The following ABCB5 variants were observed in gnomAD, a reference collection of about 807,000 sequenced individuals.
ABCB5 encodes the protein ATP binding cassette subfamily B member 5.
Under a neutral mutation model 144.2 loss-of-function variants are expected in ABCB5, and 155 were observed. The observed-to-expected ratio is 1.08, with a 90% CI of 0.94 to 1.23. The LOEUF is 1.23. Among genes scored for constraint, ABCB5 ranks in the 50% most tolerant of loss-of-function variants. The probability of loss-of-function intolerance (pLI) is 0.00; values close to 1 mark genes in which losing one functional copy is unlikely to be tolerated. For synonymous variants in ABCB5, 610 were observed against 528.6 expected, an observed-to-expected ratio of 1.15 and a Z score of -2.11; for missense variants, 1,830 against 1,520.8, an observed-to-expected ratio of 1.20 and a Z score of -3.38.
At chr7:20,712,328 G>C (rs1787104711) in intron 20 of ABCB5, among the ~76,000 whole-genome samples, 2 of 148,778 alleles carry the variant, frequency 1.3e-5, no homozygotes, top group Non-Finnish European at 3.0e-5. Flanking sequence ...TTTGAAATGT[G>C]ATTGTGATGG....
At chr7:20,664,631 G>A (rs960103326) in intron 14 of ABCB5, among the ~76,000 whole-genome samples, 2 of 151,910 alleles carry the variant, frequency 1.3e-5, no homozygotes, top group Admixed American at 6.6e-5. Flanking sequence ...TATTTACCAA[G>A]AATAAAAATA....
intron 5 of ABCB5, among the ~76,000 whole-genome samples, chr7:20,634,770 T>C (rs1307962865): frequency 6.6e-6 from 1 of 152,104 alleles, no homozygotes; most frequent in Non-Finnish European, 1.5e-5. Flanking sequence ...ATTGTCATTG[T>C]TGAGGTGTTT....
chr7:20,667,298 A>T, intron 14 of ABCB5: 1 of 984,844 alleles, frequency 1.0e-6, no homozygotes, highest in South Asian at 4.7e-5. Context: ...TAAGTAAATA[A>T]ATATGAGAAG....
chr7:20,695,439 G>A (rs967728142), intron 16 of ABCB5, among the ~76,000 whole-genome samples: 7 of 151,350 alleles, frequency 4.6e-5, no homozygotes, highest in Non-Finnish European at 5.9e-5. Flanking sequence ...AAGCCCTTAC[G>A]TAAAACCTAA....
chr7:20,640,664 C>T (rs976554449), intron 5 of ABCB5, among the ~76,000 whole-genome samples: 1 of 152,152 alleles, frequency 6.6e-6, no homozygotes, highest in African/African-American at 2.4e-5. Context: ...AGTACGTGTG[C>T]ATCAGGCAAA....
rs397952067 is a variant in ABCB5, at chr7:20,737,752, TAAA to T, written c.2868-1222_2868-1220del. Among the ~76,000 whole-genome samples the T allele has an allele frequency of 2.7e-5, 4 of 146,812 alleles. No homozygotes were observed. The South Asian group carries it at 6.5e-4, about 24-fold the overall frequency. The stretch of plus-strand genomic sequence containing the variant: ...TTTTTCCTTGCATTAAAAACACATT[TAAA>T]AAAAAAAACCTTCTGATTTGGTTAC... On this transcript the variant is annotated intron_variant, in intron 23 of 27. Coordinates refer to ENST00000404938, the MANE Select transcript of ABCB5 (RefSeq NM_001163941.2).
In ABCB5 at chr7:20,727,086, C is replaced by G; in HGVS notation, c.2672C>G (p.Thr891Arg). The G allele has an allele frequency of 6.2e-7, 1 of 1,613,564 alleles. No individual in the cohort carries two copies. Among genetic ancestry groups the G allele is most frequent in the Non-Finnish European group, 8.5e-7 (1 of 1,179,734 alleles). The part of the protein sequence containing the change: ...LENIRTIVSL[T>R]REKAFEQMYE... ...AATATACGTACTATAGTGTCATTAA[C>G]AAGGGAAAAAGCCTTCGAGCAAATG... Residue 891 changes from threonine to arginine, a missense_variant, in exon 22 of 28, where the codon ACA (threonine) becomes AGA (arginine). Physicochemically the swap from Thr to Arg is moderately conservative, Grantham distance 71 (BLOSUM62 -1). Coordinates refer to ENST00000404938, the MANE Select transcript of ABCB5 (RefSeq NM_001163941.2).
Position 20,710,552 on chromosome 7 carries a change from A to C in ABCB5, c.2421+5745A>C, listed in dbSNP as rs1562572949. 2.7e-5 allele frequency among the ~76,000 whole-genome samples: 4 copies of C among 149,892 alleles called. 1 individual carries two copies. In the South Asian group the frequency reaches 8.6e-4, roughly 32 times the overall value. Reference sequence around the variant, plus strand: ...TCTTATGGACAATATAAAAGCAGATAGAGGGTCAGATTTGGCCTGTAATCT... The same window carrying C: ...TCTTATGGACAATATAAAAGCAGATCGAGGGTCAGATTTGGCCTGTAATCT... On this transcript the variant is annotated intron_variant, in intron 20 of 27. Transcript: ENST00000404938.
chr7:20,715,334 C>T (rs1322612895), intron 20 of ABCB5, among the ~76,000 whole-genome samples: 1 of 152,118 alleles, frequency 6.6e-6, no homozygotes, highest in Non-Finnish European at 1.5e-5. Flanking sequence ...GTGTGAGCCG[C>T]CGCGCATGGC....
intron 23 of ABCB5, among the ~76,000 whole-genome samples, chr7:20,734,404 C>T (rs1319595490): frequency 6.7e-6 from 1 of 150,242 alleles, no homozygotes; most frequent in African/African-American, 2.5e-5. Flanking sequence ...CTGTAGATAC[C>T]TAGATCTCAT....
intron 5 of ABCB5, among the ~76,000 whole-genome samples, chr7:20,638,432 T>C (rs79330624): frequency 0.016 from 2,415 of 152,296 alleles, 67 homozygotes; most frequent in African/African-American, 0.056. Flanking sequence ...TTTTAGTAAA[T>C]GTATGGAGTT....
At chr7:20,682,063 G>A (rs1583422520) in intron 15 of ABCB5, among the ~76,000 whole-genome samples, 1 of 152,070 alleles carries the variant, frequency 6.6e-6, no homozygotes, top group Non-Finnish European at 1.5e-5. Flanking sequence ...AAATTAGCTG[G>A]GTGTGGTGGT....
intron 22 of ABCB5, among the ~76,000 whole-genome samples, chr7:20,727,618 C>G (rs1482007881): frequency 1.3e-5 from 2 of 152,032 alleles, no homozygotes; most frequent in Admixed American, 1.3e-4. Flanking sequence ...ACTTGTAGTC[C>G]CAGCTACTTG....
chr7:20,632,163 T>C, intron 5 of ABCB5, 50 bp downstream of exon 5: 2 of 1,295,344 alleles, frequency 1.5e-6, no homozygotes, highest in Non-Finnish European at 2.1e-6. Context: ...GATGCTTTAT[T>C]TAAAGCTTAC....
At chr7:20,749,267 G>A (rs564007919) in intron 26 of ABCB5, among the ~76,000 whole-genome samples, 44 of 135,072 alleles carry the variant, frequency 3.3e-4, no homozygotes, top group African/African-American at 1.2e-3. Context: ...TTGCTCTGTC[G>A]CCTAGGCTGA....
Position 20,646,010 on chromosome 7 carries a change from A to G in ABCB5, c.853A>G (p.Ile285Val), listed in dbSNP as rs1027768080. Residue 285 changes from isoleucine to valine, a missense_variant, in exon 9 of 28, where the codon ATA becomes GTA. Ile to Val is a conservative substitution (Grantham distance 29, BLOSUM62 3). Coordinates refer to ENST00000404938, the MANE Select transcript of ABCB5 (RefSeq NM_001163941.2). ...AAAGGATTTTGGCATAAAAAGGACT[A>G]TAGCTTCAAAAGTGTCTCTTGGTGC... ...DAKDFGIKRT[I>V]ASKVSLGAVY... The G allele has an allele frequency of 3.1e-6, 5 of 1,613,880 alleles. No homozygotes were observed. Among genetic ancestry groups the G allele is most frequent in the East Asian group, 2.2e-5 (1 of 44,874 alleles).
chr7:20,677,712 G>A (rs1011030130), intron 14 of ABCB5, among the ~76,000 whole-genome samples: 1 of 152,172 alleles, frequency 6.6e-6, no homozygotes. Flanking sequence ...CTGTGTGACA[G>A]AGCGAGACTC....
intron 19 of ABCB5, among the ~76,000 whole-genome samples, chr7:20,701,014 T>C (rs1786601522): frequency 6.6e-6 from 1 of 152,196 alleles, no homozygotes; most frequent in Non-Finnish European, 1.5e-5. Flanking sequence ...AGCTACAAGA[T>C]ACAAAACGGA....
Position 20,713,403 on chromosome 7 carries a change from A to G in ABCB5, c.2421+8596A>G, listed in dbSNP as rs1237614427. Among the ~76,000 whole-genome samples, 13 of 148,494 alleles carry G rather than the reference A, an allele frequency of 8.8e-5. 4 individuals are homozygous for G. Among genetic ancestry groups the G allele is most frequent in the Non-Finnish European group, 1.3e-4 (9 of 67,014 alleles). On this transcript the variant is annotated intron_variant, in intron 20 of 27. Coordinates refer to ENST00000404938, the MANE Select transcript of ABCB5 (RefSeq NM_001163941.2). Reference sequence around the variant, plus strand: ...AGGTACATGGTACCACACTCAGCTAATTTTTTTAATTTTGTAGAGACAGGG... The same window carrying G: ...AGGTACATGGTACCACACTCAGCTAGTTTTTTTAATTTTGTAGAGACAGGG...
Sources: allele counts gnomAD v4.1 joint callset (sites outside exome capture counted in the v4.1 genomes callset), GRCh38; gene constraint gnomAD v4.1.1; transcripts MANE v1.5; gene names NCBI Gene and HGNC (gene_info 2026-07-23, HGNC 2026-07-21).